Variants in CREBBP observed in about 807,000 individuals in gnomAD.
CREBBP encodes CREB binding lysine acetyltransferase.
Under a neutral mutation model 265.0 loss-of-function variants are expected in CREBBP, and 19 were observed. The observed-to-expected ratio is 0.07, with a 90% CI of 0.05 to 0.11. The LOEUF (loss-of-function observed/expected upper bound fraction) is 0.11, where lower values mean the gene tolerates loss of function less well. CREBBP is among the 10% of genes least tolerant of loss of function. CREBBP has a pLI of 1.00. For missense variants in CREBBP, 2,525 were observed against 3,219.0 expected (o/e 0.78, Z 5.22); for synonymous variants, 1,457 against 1,223.7 (o/e 1.19, Z -3.98).
intron 14 of CREBBP, among the ~76,000 whole-genome samples, 186 bp downstream of exon 14, chr16:3,770,384 C>T (rs778381184): frequency 2.0e-5 from 3 of 151,902 alleles, no homozygotes; most frequent in Non-Finnish European, 4.4e-5. Context: ...TTGCTGGAGA[C>T]GAGGTCTCAC....
intron 2 of CREBBP, among the ~76,000 whole-genome samples, chr16:3,816,443 G>T (rs1268825275): frequency 6.6e-6 from 1 of 152,196 alleles, no homozygotes; most frequent in Non-Finnish European, 1.5e-5. Context: ...TGACTGCAGT[G>T]TGAGCTCTGA....
At position 3,725,727 on chromosome 16, in the gene CREBBP, G is replaced by A; in HGVS notation, c.*1991C>T. 4.3e-6 allele frequency: 1 copy of A among 233,296 alleles called. No homozygotes were observed. The highest frequency in any genetic ancestry group is 6.0e-5 in the East Asian group (1 of 16,598). The allele number at this position is 233,296 out of a possible 1,614,324, so 14.5% of individuals were successfully genotyped here. ...TCGGACCTTTCCAACTTCTTAGAAA[G>A]GTTCCTCGAATTCAGATTCCCAAAC... On this transcript the variant is annotated 3_prime_UTR_variant, in exon 31 of 31. Coordinates refer to ENST00000262367, the MANE Select transcript of CREBBP (RefSeq NM_004380.3).
At chr16:3,835,805 C>A (rs1340228216) in intron 2 of CREBBP, among the ~76,000 whole-genome samples, 1 of 151,818 alleles carries the variant, frequency 6.6e-6, no homozygotes, top group African/African-American at 2.4e-5. Flanking sequence ...TGGTCTCGAT[C>A]TCCTGACCTT....
At chr16:3,803,440 G>C (rs1056632214) in intron 3 of CREBBP, among the ~76,000 whole-genome samples, 1 of 152,002 alleles carries the variant, frequency 6.6e-6, no homozygotes, top group African/African-American at 2.4e-5. Context: ...GGGAGGCAGA[G>C]GTGGCAGTGA....
At position 3,773,904 on chromosome 16, in the gene CREBBP, A is replaced by G. The variant is rs1333537367; in HGVS notation, c.2310T>C (p.Pro770=). 1 of 1,612,106 alleles carries G rather than the reference A, an allele frequency of 6.2e-7. No homozygotes were observed. Among genetic ancestry groups the G allele is most frequent in the Non-Finnish European group, 8.5e-7 (1 of 1,180,040 alleles). The stretch of plus-strand genomic sequence containing the variant: ...GTGCACCCATCATGTTCGGAGGCTG[A>G]GGCATTCGGGAAGGAGAAATGGCCA... ...PGMAISPSRM[P]QPPNMMGAHT... Residue 770 remains proline, a synonymous_variant, in exon 13 of 31, where the codon CCT becomes CCC. Transcript: ENST00000262367.
intron 2 of CREBBP, among the ~76,000 whole-genome samples, chr16:3,821,174 T>C (rs899066168): frequency 2.0e-5 from 3 of 152,254 alleles, no homozygotes; most frequent in Admixed American, 2.0e-4. Flanking sequence ...TAGGTGATCT[T>C]TAAAGTTCTT....
chr16:3,863,526 C>T (rs780409638), intron 1 of CREBBP, among the ~76,000 whole-genome samples: 2 of 152,050 alleles, frequency 1.3e-5, no homozygotes, highest in Non-Finnish European at 2.9e-5. Context: ...TTGCTGAACT[C>T]GGGAGGCAGA....
intron 11 of CREBBP, among the ~76,000 whole-genome samples, chr16:3,776,802 C>T (rs1042554846): frequency 5.3e-5 from 8 of 150,292 alleles, no homozygotes; most frequent in African/African-American, 1.2e-4. Context: ...CACAAGTTCA[C>T]GCGATTGAGA....
intron 28 of CREBBP, among the ~76,000 whole-genome samples, chr16:3,732,378 C>T (rs1454573165): frequency 2.0e-5 from 3 of 152,064 alleles, no homozygotes; most frequent in Non-Finnish European, 2.9e-5. Context: ...AAGCAGCTGC[C>T]CCATCAAGAG....
At chr16:3,789,272 T>C (rs1388168402) in intron 5 of CREBBP, among the ~76,000 whole-genome samples, 1 of 152,176 alleles carries the variant, frequency 6.6e-6, no homozygotes, top group Non-Finnish European at 1.5e-5. Flanking sequence ...ACAGTCCACC[T>C]TTCTGTTCAC....
chr16:3,744,881 T>A lies in CREBBP; in HGVS notation c.3982+13A>T. ...TGTGCAGTCCAGGAAACAGAAAGCT[T>A]CCCGAAACTTACTCTTAGCACTGAA... On this transcript the variant is annotated intron_variant, in intron 23 of 30. Transcript: ENST00000262367. 1 of 1,607,686 alleles carries A rather than the reference T, an allele frequency of 6.2e-7. No individual in the cohort carries two copies. The highest frequency in any genetic ancestry group is 8.5e-7 in the Non-Finnish European group (1 of 1,174,110).
At chr16:3,869,511 T>C (rs542245576) in intron 1 of CREBBP, among the ~76,000 whole-genome samples, 19 of 152,324 alleles carry the variant, frequency 1.2e-4, no homozygotes, top group Admixed American at 6.5e-4. Context: ...AAGAAAACTC[T>C]AGACAAAGAG....
At chr16:3,786,875 C>G (rs991025299) in intron 5 of CREBBP, among the ~76,000 whole-genome samples, 1 of 152,082 alleles carries the variant, frequency 6.6e-6, no homozygotes, top group Admixed American at 6.5e-5. Flanking sequence ...GAGTTCAAGA[C>G]CAGCCTGGAC....
At chr16:3,766,333 C>T (rs1282136288) in intron 16 of CREBBP, among the ~76,000 whole-genome samples, 2 of 152,186 alleles carry the variant, frequency 1.3e-5, no homozygotes, top group Non-Finnish European at 2.9e-5. Flanking sequence ...TCTCCCTTTA[C>T]CAACTACAGG....
At chr16:3,758,797 T>G in intron 17 of CREBBP, 57 bp downstream of exon 17, 2 of 1,247,428 alleles carry the variant, frequency 1.6e-6, no homozygotes, top group Non-Finnish European at 1.2e-6. Flanking sequence ...GATAAAACAA[T>G]GGACACTCAG....
In CREBBP at chr16:3,758,987, T is replaced by C. The variant is rs2052647887; in HGVS notation, c.3251-15A>G. ...TGGTTTAAAGACTGCAGAGAAAACA[T>C]CAAGAAAAGACACTTTGTAAAAGGT... On this transcript the variant is annotated splice_polypyrimidine_tract_variant and intron_variant, in intron 16 of 30. Coordinates refer to ENST00000262367, the MANE Select transcript of CREBBP (RefSeq NM_004380.3). The C allele has an allele frequency of 3.2e-6, 5 of 1,577,418 alleles. No homozygotes were observed. Among genetic ancestry groups the C allele is most frequent in the South Asian group, 2.2e-5 (2 of 90,352 alleles).
chr16:3,869,971 G>A (rs1162721201), intron 1 of CREBBP, among the ~76,000 whole-genome samples: 1 of 152,108 alleles, frequency 6.6e-6, no homozygotes, highest in African/African-American at 2.4e-5. Context: ...AACAAAAACC[G>A]ATTCCCACAG....
chr16:3,738,609 G>A lies in CREBBP; in HGVS notation c.4344C>T (p.Ala1448=), dbSNP rs777425519. 4.3e-6 allele frequency: 7 copies of A among 1,613,702 alleles called. No individual in the cohort carries two copies. The highest frequency in any genetic ancestry group is 1.3e-5 in the African/African-American group (1 of 74,894). ...HFFRPRCLRT[A]VYHEILIGYL... ...ATCCAATAAGGATCTCATGGTAAAC[G>A]GCTGTGCGGAGGCAACGTGGCCGGA... The change falls in exon 26 of 31, where the codon GCC becomes GCT. Residue 1448 remains alanine (A), a synonymous_variant. Transcript: ENST00000262367.
chr16:3,779,453 T>TG (rs2053223850), intron 8 of CREBBP, among the ~76,000 whole-genome samples: 2 of 152,128 alleles, frequency 1.3e-5, no homozygotes, highest in Admixed American at 1.3e-4. Context: ...GAATTACACG[T>TG]GGGGGCCACT....
Sources: gnomAD v4.1 joint callset for allele counts (sites outside exome capture counted in the v4.1 genomes callset) on GRCh38, gnomAD v4.1.1 for gene constraint, MANE v1.5 for transcripts, NCBI Gene and HGNC (gene_info 2026-07-23, HGNC 2026-07-21) for gene names.